The following CNTN5 variants were observed in gnomAD, a reference collection of about 807,000 sequenced individuals.
CNTN5 encodes the protein contactin 5, also known as contactin-5.
CNTN5 carries 77 observed loss-of-function variants against 129.1 expected under a neutral mutation model. The ratio of observed to expected loss-of-function variants is 0.60; its 90% CI spans 0.50 to 0.72. The LOEUF (loss-of-function observed/expected upper bound fraction) is 0.72. Among genes scored for constraint, CNTN5 ranks in the 30% least tolerant of loss-of-function variants. The probability of loss-of-function intolerance (pLI) is 0.00; values close to 1 mark genes in which losing one functional copy is unlikely to be tolerated. For synonymous variants in CNTN5, 509 were observed against 465.6 expected (o/e 1.09, Z -1.20); for missense variants, 1,478 against 1,328.8 (o/e 1.11, Z -1.75).
At chr11:99,497,341 C>T (rs1222183532) in intron 2 of CNTN5, among the ~76,000 whole-genome samples, 1 of 152,058 alleles carries the variant, frequency 6.6e-6, no homozygotes, top group Non-Finnish European at 1.5e-5. Context: ...AGTCAGAAGC[C>T]ATTTGTGAGA....
intron 1 of CNTN5, among the ~76,000 whole-genome samples, chr11:99,254,393 T>G (rs984766269): frequency 2.0e-5 from 3 of 151,986 alleles, no homozygotes; most frequent in African/African-American, 7.2e-5. Flanking sequence ...TCATGGAAAC[T>G]CAGTTGAGAA....
At chr11:99,577,443 G>A (rs2726375) in intron 3 of CNTN5, among the ~76,000 whole-genome samples, 134,544 of 152,188 alleles carry the variant, frequency 0.88, 59,756 homozygotes, top group East Asian at 1. Context: ...AAAGCATGGA[G>A]TCCAGGACAA....
intron 3 of CNTN5, among the ~76,000 whole-genome samples, chr11:99,750,183 G>A (rs1355705104): frequency 6.6e-6 from 1 of 152,098 alleles, no homozygotes; most frequent in Non-Finnish European, 1.5e-5. Context: ...TCCATATTAT[G>A]TGTAAATCTA....
rs4456228 is a variant in CNTN5, at chr11:99,083,275, C to A, written c.-210+62005C>A. ...TCCCTCTTCTTTCCTTTTTTAAATT[C>A]TTTCTCACTGGTATTATTCACACAT... On this transcript the variant is annotated intron_variant, in intron 1 of 24. Coordinates refer to ENST00000524871, the MANE Select transcript of CNTN5 (RefSeq NM_014361.4). Among the ~76,000 whole-genome samples the A allele has an allele frequency of 0.036, 5,537 of 151,868 alleles. 514 individuals are homozygous for A. In the East Asian group the frequency reaches 0.37, roughly 10 times the overall value.
At position 100,182,893 on chromosome 11, in the gene CNTN5, T is replaced by G. The variant is rs1948179983; in HGVS notation, c.1581-8233T>G. Reference sequence around the variant, plus strand: ...TGTTTCATACCTAAAATAAGAGTTATTTATACACTGTAAAAAAAAAACTCT... The same window carrying G: ...TGTTTCATACCTAAAATAAGAGTTAGTTATACACTGTAAAAAAAAAACTCT... On this transcript the variant is annotated intron_variant, in intron 13 of 24. Transcript: ENST00000524871. 2.0e-5 allele frequency among the ~76,000 whole-genome samples: 3 copies of G among 150,626 alleles called. No homozygotes were observed. The South Asian group carries it at 6.2e-4, about 31-fold the overall frequency.
chr11:100,011,360 G>A (rs1242122162), intron 9 of CNTN5, among the ~76,000 whole-genome samples: 1 of 151,618 alleles, frequency 6.6e-6, no homozygotes, highest in East Asian at 1.9e-4. Flanking sequence ...TAATAAAAAA[G>A]CCAAACGCTA....
At chr11:99,514,287 A>C (rs75808168) in intron 2 of CNTN5, among the ~76,000 whole-genome samples, 10,008 of 152,176 alleles carry the variant, frequency 0.066, 364 homozygotes, top group African/African-American at 0.098. Flanking sequence ...TGAGATGGAA[A>C]CTACTCCTGA....
chr11:99,485,706 C>CA (rs200240751), intron 2 of CNTN5, among the ~76,000 whole-genome samples: 51 of 151,658 alleles, frequency 3.4e-4, no homozygotes, highest in African/African-American at 1.0e-3. Context: ...TGCAAACAGA[C>CA]AAAAAAAACC....
At chr11:100,017,803 A>C (rs533116919) in intron 9 of CNTN5, among the ~76,000 whole-genome samples, 1 of 150,974 alleles carries the variant, frequency 6.6e-6, no homozygotes, top group South Asian at 2.1e-4. Flanking sequence ...CTTTTTGGAA[A>C]GAAGGGTTGA....
intron 1 of CNTN5, among the ~76,000 whole-genome samples, chr11:99,136,843 C>G (rs567619892): frequency 6.6e-6 from 1 of 152,024 alleles, no homozygotes; most frequent in Non-Finnish European, 1.5e-5. Context: ...TTGGCAGACA[C>G]CAAGATCATG....
chr11:99,515,053 C>T (rs1466879001), intron 2 of CNTN5, among the ~76,000 whole-genome samples: 1 of 151,882 alleles, frequency 6.6e-6, no homozygotes. Flanking sequence ...AATGTATAAT[C>T]ATAAGGGCTA....
chr11:99,691,762 C>G (rs564958193), intron 3 of CNTN5, among the ~76,000 whole-genome samples: 5 of 152,000 alleles, frequency 3.3e-5, no homozygotes, highest in Non-Finnish European at 5.9e-5. Context: ...TCTGTCGGAT[C>G]CACTTGATCC....
intron 2 of CNTN5, among the ~76,000 whole-genome samples, chr11:99,498,842 A>C (rs754028851): frequency 1.5e-4 from 23 of 152,222 alleles, no homozygotes; most frequent in Non-Finnish European, 1.8e-4. Flanking sequence ...AGAGTGTGTG[A>C]GATCCAAAAC....
At chr11:99,601,964 C>T (rs1950324747) in intron 3 of CNTN5, among the ~76,000 whole-genome samples, 1 of 152,086 alleles carries the variant, frequency 6.6e-6, no homozygotes, top group Non-Finnish European at 1.5e-5. Flanking sequence ...ACCATTTTAC[C>T]TATATACTAT....
chr11:99,990,455 T>TATACACACAC (rs560732478), intron 8 of CNTN5, among the ~76,000 whole-genome samples: 1 of 145,080 alleles, frequency 6.9e-6, no homozygotes, highest in African/African-American at 2.6e-5. Context: ...TATATATATA[T>TATACACACAC]ACACACACAC....
At chr11:99,491,198 G>A (rs944700599) in intron 2 of CNTN5, among the ~76,000 whole-genome samples, 1 of 152,090 alleles carries the variant, frequency 6.6e-6, no homozygotes, top group Non-Finnish European at 1.5e-5. Flanking sequence ...TTGTTAGGCC[G>A]TGTTGGCTGG....
At chr11:100,056,404 G>C (rs1943225071) in intron 9 of CNTN5, among the ~76,000 whole-genome samples, 2 of 150,452 alleles carry the variant, frequency 1.3e-5, no homozygotes, top group Admixed American at 1.3e-4. Context: ...GAGGAAATTA[G>C]ATTAAAACAA....
At chr11:100,304,291 T>TA (rs1951296533) in intron 20 of CNTN5, among the ~76,000 whole-genome samples, 2 of 151,678 alleles carry the variant, frequency 1.3e-5, no homozygotes, top group African/African-American at 4.8e-5. Flanking sequence ...AAGTCTTTGA[T>TA]TCCACTAGAT....
intron 1 of CNTN5, among the ~76,000 whole-genome samples, chr11:99,128,640 G>A (rs1219417150): frequency 6.6e-6 from 1 of 152,286 alleles, no homozygotes; most frequent in Non-Finnish European, 1.5e-5. Context: ...ACTTCCTTAA[G>A]TGGGTCCCTC....
Sources: gnomAD v4.1 joint callset for allele counts (sites outside exome capture counted in the v4.1 genomes callset) on GRCh38, gnomAD v4.1.1 for gene constraint, MANE v1.5 for transcripts, NCBI Gene and HGNC (gene_info 2026-07-23, HGNC 2026-07-21) for gene names.